NPAS3: variants seen among roughly 807,000 people sequenced by gnomAD.
NPAS3 encodes the protein neuronal PAS domain-containing protein 3.
NPAS3 carries 14 observed loss-of-function variants against 73.1 expected under a neutral mutation model. The observed-to-expected ratio is 0.19, with a 90% confidence interval of 0.13 to 0.30. The LOEUF (loss-of-function observed/expected upper bound fraction) is 0.30, where lower values mean the gene tolerates loss of function less well. Among genes scored for constraint, NPAS3 ranks in the 10% least tolerant of loss-of-function variants. NPAS3 has a pLI of 1.00. For synonymous variants in NPAS3, 620 were observed against 541.5 expected (o/e 1.14, Z -2.01); for missense variants, 1,096 against 1,250.0 (o/e 0.88, Z 1.86).
chr14:32,972,229 C>T lies in NPAS3; in HGVS notation c.50+32863C>T, dbSNP rs150557467. 5.4e-3 allele frequency among the ~76,000 whole-genome samples: 825 copies of T among 151,786 alleles called. 11 individuals carry two copies. Among genetic ancestry groups the T allele is most frequent in the African/African-American group, 0.018 (727 of 41,362 alleles). The stretch of plus-strand genomic sequence containing the variant: ...CTGGGATTACAGGCGTGAGCCACCG[C>T]GCCTGGCCATCAGTGGGACTCTTGA... On this transcript the variant is annotated intron_variant, in intron 1 of 11. Transcript: ENST00000356141.
intron 1 of NPAS3, among the ~76,000 whole-genome samples, chr14:32,956,310 G>C (rs1455460975): frequency 6.6e-6 from 1 of 152,114 alleles, no homozygotes; most frequent in African/African-American, 2.4e-5. Flanking sequence ...AGTTTTTCTA[G>C]GGATTTCTCC....
intron 5 of NPAS3, among the ~76,000 whole-genome samples, chr14:33,596,793 T>C (rs1792598056): frequency 6.6e-6 from 1 of 152,248 alleles, no homozygotes; most frequent in South Asian, 2.1e-4. Context: ...TCAGCCATTA[T>C]ATTCCTTAGA....
chr14:33,115,222 T>C (rs117201400), intron 2 of NPAS3, among the ~76,000 whole-genome samples: 2,435 of 152,182 alleles, frequency 0.016, 31 homozygotes, highest in Non-Finnish European at 0.025. Context: ...ACTTTGATAG[T>C]TGGTGGGTGA....
At chr14:33,574,239 G>C (rs1275463709) in intron 5 of NPAS3, among the ~76,000 whole-genome samples, 1 of 152,150 alleles carries the variant, frequency 6.6e-6, no homozygotes, top group African/African-American at 2.4e-5. Context: ...CTGACAGGCA[G>C]AGGAAGAGAA....
chr14:33,117,447 C>A (rs2043104993), intron 2 of NPAS3, among the ~76,000 whole-genome samples: 1 of 152,244 alleles, frequency 6.6e-6, no homozygotes, highest in South Asian at 2.1e-4. Context: ...AATAACCTTG[C>A]TGCTGAAATG....
chr14:33,782,670 T>C (rs972361418), intron 9 of NPAS3, among the ~76,000 whole-genome samples: 3 of 152,110 alleles, frequency 2.0e-5, no homozygotes, highest in African/African-American at 7.2e-5. Context: ...ACTGTAGGTG[T>C]GGTGGCAGTT....
At chr14:33,244,311 AT>A (rs1212256194) in intron 3 of NPAS3, among the ~76,000 whole-genome samples, 1 of 152,014 alleles carries the variant, frequency 6.6e-6, no homozygotes, top group African/African-American at 2.4e-5. Context: ...TTAAAAAATT[AT>A]TTTCTGTTTT....
chr14:33,409,453 A>G (rs1478437687), intron 4 of NPAS3, among the ~76,000 whole-genome samples: 1 of 152,180 alleles, frequency 6.6e-6, no homozygotes, highest in East Asian at 1.9e-4. Context: ...CTAACTTAGA[A>G]TTTTAATTGT....
intron 6 of NPAS3, among the ~76,000 whole-genome samples, chr14:33,719,376 T>G (rs549460015): frequency 1.3e-5 from 2 of 152,290 alleles, no homozygotes; most frequent in East Asian, 3.9e-4. Context: ...TGTGGAGATA[T>G]TAGCAATACC....
At chr14:33,018,757 A>G (rs529515951) in intron 1 of NPAS3, among the ~76,000 whole-genome samples, 1 of 152,366 alleles carries the variant, frequency 6.6e-6, no homozygotes, top group East Asian at 1.9e-4. Context: ...TCATTAGGTT[A>G]CAAGAAAGGC....
chr14:33,782,847 TTAAGTGTTTA>T (rs1335585700), intron 9 of NPAS3, among the ~76,000 whole-genome samples: 5 of 146,798 alleles, frequency 3.4e-5, no homozygotes, highest in African/African-American at 9.8e-5. Context: ...AAACAGTAGC[TTAAGTGTTTA>T]TTTCTTAATT....
At chr14:33,742,581 C>A (rs2061682097) in intron 7 of NPAS3, among the ~76,000 whole-genome samples, 1 of 152,180 alleles carries the variant, frequency 6.6e-6, no homozygotes. Context: ...AGGGTCTTGG[C>A]TCCATGTGGA....
intron 4 of NPAS3, among the ~76,000 whole-genome samples, chr14:33,427,830 A>G (rs60760303): frequency 0.18 from 27,448 of 152,088 alleles, 2,765 homozygotes; most frequent in Admixed American, 0.28. Flanking sequence ...ATATTCTTAT[A>G]TAAATTCTCA....
At chr14:33,318,053 A>G (rs894376508) in intron 3 of NPAS3, among the ~76,000 whole-genome samples, 1 of 152,076 alleles carries the variant, frequency 6.6e-6, no homozygotes, top group Non-Finnish European at 1.5e-5. Context: ...CGTCCTTATA[A>G]CAGCATTATT....
At chr14:33,530,582 A>G (rs1037406399) in intron 4 of NPAS3, among the ~76,000 whole-genome samples, 2 of 152,140 alleles carry the variant, frequency 1.3e-5, no homozygotes, top group African/African-American at 2.4e-5. Flanking sequence ...ATGTGAAAGC[A>G]TCTCATAGAC....
At chr14:33,077,051 A>G (rs956538569) in intron 2 of NPAS3, among the ~76,000 whole-genome samples, 1 of 152,218 alleles carries the variant, frequency 6.6e-6, no homozygotes, top group African/African-American at 2.4e-5. Flanking sequence ...TGGGGATACA[A>G]CAGTGGGTGA....
At chr14:33,200,699 G>A (rs917738196) in intron 2 of NPAS3, among the ~76,000 whole-genome samples, 29 of 152,200 alleles carry the variant, frequency 1.9e-4, no homozygotes, top group African/African-American at 6.7e-4. Flanking sequence ...TGGATTTTTG[G>A]CTTCTTTCTG....
intron 6 of NPAS3, among the ~76,000 whole-genome samples, chr14:33,687,967 T>C (rs1228226761): frequency 1.3e-5 from 2 of 152,256 alleles, no homozygotes; most frequent in Non-Finnish European, 2.9e-5. Flanking sequence ...TATCAGTTTG[T>C]AATGAACCAC....
chr14:33,693,573 A>G (rs1314683484), intron 6 of NPAS3, among the ~76,000 whole-genome samples: 1 of 152,206 alleles, frequency 6.6e-6, no homozygotes, highest in East Asian at 1.9e-4. Flanking sequence ...TTCTATCAAA[A>G]TGATCAATCC....
Sources: allele counts gnomAD v4.1 joint callset (sites outside exome capture counted in the v4.1 genomes callset), GRCh38; gene constraint gnomAD v4.1.1; transcripts MANE v1.5; gene names NCBI Gene and HGNC (gene_info 2026-07-23, HGNC 2026-07-21).